The following EFHC1 variants were observed in gnomAD, a reference collection of about 807,000 sequenced individuals.
EFHC1 encodes EF-hand domain-containing protein 1.
Under a neutral mutation model 69.9 loss-of-function variants are expected in EFHC1, and 53 were observed. The observed-to-expected ratio is 0.76, with a 90% CI of 0.61 to 0.95. The LOEUF is 0.95. Ranked by LOEUF, EFHC1 falls within the 40% of genes least tolerant of loss-of-function variation. The pLI is 0.00. For synonymous variants in EFHC1, 256 were observed against 278.4 expected (o/e 0.92, Z 0.80); for missense variants, 739 against 798.7 (o/e 0.93, Z 0.90).
At chr6:52,457,068 A>G (rs897870041) in intron 5 of EFHC1, among the ~76,000 whole-genome samples, 2 of 152,222 alleles carry the variant, frequency 1.3e-5, no homozygotes, top group African/African-American at 2.4e-5. Context: ...ATTAAATTCA[A>G]TTAAACAAGA....
At chr6:52,460,472 C>T (rs1462127934) in intron 5 of EFHC1, among the ~76,000 whole-genome samples, 1 of 152,062 alleles carries the variant, frequency 6.6e-6, no homozygotes, top group African/African-American at 2.4e-5. Flanking sequence ...ATACATATGT[C>T]AAGCAACATC....
At chr6:52,465,949 A>G (rs939477469) in intron 6 of EFHC1, among the ~76,000 whole-genome samples, 2 of 150,696 alleles carry the variant, frequency 1.3e-5, no homozygotes, top group South Asian at 2.1e-4. Context: ...ATATTATGAC[A>G]TATAGATATA....
intron 3 of EFHC1, among the ~76,000 whole-genome samples, chr6:52,451,114 A>G (rs1411712953): frequency 1.3e-5 from 2 of 152,136 alleles, no homozygotes; most frequent in East Asian, 3.9e-4. Context: ...TGCCTTTTAA[A>G]TGGGGCCTTT....
intron 6 of EFHC1, chr6:52,468,660 A>G (rs1286702614): frequency 6.5e-6 from 1 of 153,142 alleles, no homozygotes; most frequent in Non-Finnish European, 1.5e-5. Flanking sequence ...TAGCCTCCAG[A>G]GAAAACTCAG....
rs1429268483 is a variant in EFHC1, at chr6:52,493,078, A to G, written c.*737A>G. 6.6e-6 allele frequency: 3 copies of G among 454,036 alleles called. No homozygotes were observed. In the Admixed American group the frequency reaches 7.0e-5, roughly 11 times the overall value. The allele number at this position is 454,036 out of a possible 1,614,324, so 28.1% of individuals were successfully genotyped here. Reference sequence around the variant, plus strand: ...AGAATAAAAAGGCTGACCTTTCCCCAGGTAAGAGAATTCCTCCTGCCTGAC... The same window carrying G: ...AGAATAAAAAGGCTGACCTTTCCCCGGGTAAGAGAATTCCTCCTGCCTGAC... On this transcript the variant is annotated 3_prime_UTR_variant, in exon 11 of 11. Coordinates refer to ENST00000371068, the MANE Select transcript of EFHC1 (RefSeq NM_018100.4).
chr6:52,469,541 T>C lies in EFHC1; in HGVS notation c.1278+68T>C, dbSNP rs920944509. The C allele has an allele frequency of 3.2e-6, 5 of 1,586,592 alleles. No individual in the cohort carries two copies. The African/African-American group carries it at 6.7e-5, about 21-fold the overall frequency. On this transcript the variant is annotated intron_variant, in intron 7 of 10. Coordinates refer to ENST00000371068, the MANE Select transcript of EFHC1 (RefSeq NM_018100.4). ...GTACTGTGTACAATTGTTTATTTTATCTGTAAGCTGTAGATTAACAGCTGT... is the reference window on the plus strand; with the variant it reads ...GTACTGTGTACAATTGTTTATTTTACCTGTAAGCTGTAGATTAACAGCTGT...
At chr6:52,427,201 A>G (rs1764318849) in intron 2 of EFHC1, among the ~76,000 whole-genome samples, 1 of 152,190 alleles carries the variant, frequency 6.6e-6, no homozygotes, top group Non-Finnish European at 1.5e-5. Flanking sequence ...AGATTATGTC[A>G]CATACTGACT....
rs60720755 is a variant in EFHC1 at position 52,493,386 on chromosome 6, T to TATATATATATATATA, written c.*1045_*1046insATATATATATATATA. ...TCTACATATATATATATATATATAT[T>TATATATATATATATA]TTATATGTACACATTCATACACACA... On this transcript the variant is annotated 3_prime_UTR_variant, in exon 11 of 11. Transcript: ENST00000371068. The TATATATATATATATA allele has an allele frequency of 0.014, 1,641 of 120,662 alleles. 88 individuals are homozygous for TATATATATATATATA. The highest frequency in any genetic ancestry group is 0.029 in the African/African-American group (657 of 22,982). The allele number at this position is 120,662 out of a possible 1,614,324, so 7.5% of individuals were successfully genotyped here.
intron 1 of EFHC1, among the ~76,000 whole-genome samples, chr6:52,421,812 C>T (rs576096810): frequency 3.9e-5 from 6 of 152,274 alleles, no homozygotes; most frequent in Non-Finnish European, 7.3e-5. Context: ...GTTGTAGGCA[C>T]TTGCCTGCCC....
At chr6:52,452,599 GC>G in intron 3 of EFHC1, 88 bp from the exon 4 acceptor site, 1 of 1,480,180 alleles carries the variant, frequency 6.8e-7, no homozygotes, top group Non-Finnish European at 9.4e-7. Context: ...ACAGTGCCTG[GC>G]CCATACACTT....
intron 3 of EFHC1, among the ~76,000 whole-genome samples, chr6:52,444,684 G>A (rs1017024087): frequency 7.2e-5 from 11 of 152,208 alleles, no homozygotes; most frequent in Admixed American, 6.5e-4. Context: ...TGCTGGATTC[G>A]GTTTGCCAGT....
chr6:52,425,962 G>A (rs992201252), intron 2 of EFHC1, among the ~76,000 whole-genome samples: 20 of 152,098 alleles, frequency 1.3e-4, no homozygotes, highest in African/African-American at 4.8e-4. Context: ...CCTTGCTCCT[G>A]TATAATTCCA....
rs1167044906 is a variant in EFHC1 at position 52,496,842 on chromosome 6, G to GACTA, written c.*4505_*4508dup. On this transcript the variant is annotated 3_prime_UTR_variant, in exon 11 of 11. Transcript: ENST00000371068. The stretch of plus-strand genomic sequence containing the variant: ...TTTCTCACACCCCATGGGTGTCCTT[G>GACTA]ACTAACTGCCACCTGTAACTGCACT... The GACTA allele has an allele frequency of 6.6e-6, 1 of 152,226 alleles. No individual in the cohort carries two copies. Among genetic ancestry groups the GACTA allele is most frequent in the Non-Finnish European group, 1.5e-5 (1 of 68,018 alleles). 9.4% of individuals were successfully genotyped at this position (152,226 alleles called of 1,614,324 possible).
At position 52,493,121 on chromosome 6, in the gene EFHC1, A is replaced by G; in HGVS notation, c.*780A>G. The G allele has an allele frequency of 2.2e-6, 1 of 453,920 alleles. No homozygotes were observed. The highest frequency in any genetic ancestry group is 4.4e-6 in the Non-Finnish European group (1 of 226,736). The allele number at this position is 453,920 out of a possible 1,614,324, so 28.1% of individuals were successfully genotyped here. On this transcript the variant is annotated 3_prime_UTR_variant, in exon 11 of 11. Coordinates refer to ENST00000371068, the MANE Select transcript of EFHC1 (RefSeq NM_018100.4). ...TGCCTGACTGGCTTCAAATTGGAAC[A>G]TCAGCCTTTTCTTGCCTTCAGACAC...
At chr6:52,490,089 A>G (rs369918875) in intron 9 of EFHC1, 51 bp from the exon 10 acceptor site, 1 of 1,550,080 alleles carries the variant, frequency 6.5e-7, no homozygotes, top group African/African-American at 1.4e-5. Context: ...CCGAGATGAG[A>G]CTGATCAAGA....
At chr6:52,489,793 A>G (rs1372726828) in intron 9 of EFHC1, among the ~76,000 whole-genome samples, 1 of 152,246 alleles carries the variant, frequency 6.6e-6, no homozygotes, top group African/African-American at 2.4e-5. Context: ...TAGATGAGGA[A>G]ACATTAATCT....
intron 6 of EFHC1, among the ~76,000 whole-genome samples, chr6:52,467,255 C>T (rs1365934340): frequency 1.3e-5 from 2 of 150,548 alleles, no homozygotes; most frequent in African/African-American, 4.9e-5. Context: ...AGTCTTGGCT[C>T]ACTGCAACGT....
intron 7 of EFHC1, among the ~76,000 whole-genome samples, chr6:52,471,067 A>G (rs929607668): frequency 6.6e-6 from 1 of 152,366 alleles, no homozygotes; most frequent in East Asian, 1.9e-4. Context: ...GATGTGAAGA[A>G]TCACAGAGCA....
At chr6:52,440,901 T>C (rs985094686) in intron 3 of EFHC1, among the ~76,000 whole-genome samples, 2 of 152,202 alleles carry the variant, frequency 1.3e-5, no homozygotes, top group African/African-American at 4.8e-5. Context: ...TTGAGCTTTT[T>C]TTTCATATGG....
Sources: gnomAD v4.1 joint callset for allele counts (sites outside exome capture counted in the v4.1 genomes callset) on GRCh38, gnomAD v4.1.1 for gene constraint, MANE v1.5 for transcripts, NCBI Gene and HGNC (gene_info 2026-07-23, HGNC 2026-07-21) for gene names.